The following PRKACA variants were observed in gnomAD, a reference collection of about 807,000 sequenced individuals.
PRKACA encodes protein kinase cAMP-activated catalytic subunit alpha, also known as cAMP-dependent protein kinase catalytic subunit alpha.
A neutral mutation model predicts 45.8 loss-of-function variants in PRKACA; 9 were observed. The observed-to-expected ratio is 0.20, with a 90% CI of 0.12 to 0.34. PRKACA has a LOEUF of 0.34. PRKACA is among the 10% of genes least tolerant of loss of function. The pLI, the probability that PRKACA is intolerant of heterozygous loss-of-function variation, is 1.00. For missense variants in PRKACA, 238 were observed against 458.6 expected, an observed-to-expected ratio of 0.52 and a Z score of 4.39; for synonymous variants, 160 against 178.6, an observed-to-expected ratio of 0.90 and a Z score of 0.83.
rs796458440 is a variant in PRKACA at position 14,092,437 on chromosome 19, C to T, written c.*675G>A. On this transcript the variant is annotated 3_prime_UTR_variant, in exon 10 of 10. Transcript: ENST00000308677. ...ATTAGCAGCGGGGAGGTTCAAACCCCAGCGCCTCCCTTTCCAAAGTCAGTC... is the reference window on the plus strand; with the variant it reads ...ATTAGCAGCGGGGAGGTTCAAACCCTAGCGCCTCCCTTTCCAAAGTCAGTC... The T allele has an allele frequency of 2.9e-4, 113 of 392,180 alleles. No homozygotes were observed. The highest frequency in any genetic ancestry group is 2.0e-3 in the African/African-American group (98 of 48,512). 24.3% of individuals were successfully genotyped at this position (392,180 alleles called of 1,614,324 possible). A position where few individuals can be genotyped will look rare whatever the true frequency, so the allele number is the denominator to read the frequency against.
intron 3 of PRKACA, among the ~76,000 whole-genome samples, chr19:14,105,526 A>G (rs1977577070): frequency 6.6e-6 from 1 of 151,510 alleles, no homozygotes; most frequent in Non-Finnish European, 1.5e-5. Context: ...AAAAAAAAAC[A>G]TAAAAAAAAG....
Position 14,102,840 on chromosome 19 carries a change from G to A in PRKACA, c.312C>T (p.Leu104=), listed in dbSNP as rs753127913. 1.5e-5 allele frequency: 24 copies of A among 1,614,026 alleles called. No homozygotes were observed. The Admixed American group carries it at 1.7e-4, about 11-fold the overall frequency. ...RILQAVNFPF[L]VKLEFSFKDN... The stretch of plus-strand genomic sequence containing the variant: ...CCTTGAAGGAGAACTCGAGTTTGAC[G>A]AGGAACGGAAAGTTGACAGCTTGCA... Residue 104 remains leucine (L), a synonymous_variant, in exon 4 of 10, where the codon CTC becomes CTT. Coordinates refer to ENST00000308677, the MANE Select transcript of PRKACA (RefSeq NM_002730.4).
Position 14,102,843 on chromosome 19 carries a change from G to A in PRKACA, c.309C>T (p.Phe103=), listed in dbSNP as rs1977485488. ...TGAAGGAGAACTCGAGTTTGACGAG[G>A]AACGGAAAGTTGACAGCTTGCAGGA... ...KRILQAVNFP[F]LVKLEFSFKD... The change falls in exon 4 of 10, where the codon TTC becomes TTT. Residue 103 remains phenylalanine (F), a synonymous_variant. Transcript: ENST00000308677. The A allele has an allele frequency of 3.7e-6, 6 of 1,614,192 alleles. No individual in the cohort carries two copies. The highest frequency in any genetic ancestry group is 5.1e-6 in the Non-Finnish European group (6 of 1,180,014).
chr19:14,109,997 T>TATACACACACACACACACAC (rs1966919555), intron 1 of PRKACA, among the ~76,000 whole-genome samples: 1 of 71,742 alleles, frequency 1.4e-5, no homozygotes, highest in African/African-American at 7.6e-5. Context: ...TATATATATA[T>TATACACACACACACACACAC]ATACACACAC....
chr19:14,109,999 TACAC>T (rs764855462), intron 1 of PRKACA, among the ~76,000 whole-genome samples: 4 of 55,476 alleles, frequency 7.2e-5, no homozygotes, highest in African/African-American at 3.1e-4. Flanking sequence ...TATATATATA[TACAC>T]ACACACACAC....
At chr19:14,101,268 A>G (rs1376501359) in intron 4 of PRKACA, 4 of 243,066 alleles carry the variant, frequency 1.6e-5, no homozygotes, top group Non-Finnish European at 2.5e-5. Flanking sequence ...GCCCCTGGTT[A>G]AAAAATTATT....
At position 14,101,467 on chromosome 19, in the gene PRKACA, G is replaced by A. The variant is rs577455747; in HGVS notation, c.337-559C>T. 5.9e-5 allele frequency among the ~76,000 whole-genome samples: 9 copies of A among 152,312 alleles called. No homozygotes were observed. In the South Asian group the frequency reaches 1.9e-3, roughly 32 times the overall value. On this transcript the variant is annotated intron_variant, in intron 4 of 9. Coordinates refer to ENST00000308677, the MANE Select transcript of PRKACA (RefSeq NM_002730.4). ...CCTGTAGTCTCATACTCAGGAGACTGAGGTGGGAGGATTGCTTGAGCCTGG... is the reference window on the plus strand; with the variant it reads ...CCTGTAGTCTCATACTCAGGAGACTAAGGTGGGAGGATTGCTTGAGCCTGG...
At chr19:14,103,048 G>T in intron 3 of PRKACA, 134 bp from the exon 4 acceptor site, 2 of 726,626 alleles carry the variant, frequency 2.8e-6, no homozygotes, top group East Asian at 5.2e-5. Context: ...CCTGTGGCCT[G>T]TCGGGCCCTT....
At chr19:14,108,211 T>C in intron 1 of PRKACA, 2 of 942,126 alleles carry the variant, frequency 2.1e-6, no homozygotes, top group Non-Finnish European at 2.5e-6. Flanking sequence ...CCCAGCCTGG[T>C]CTCTGATGAA....
intron 1 of PRKACA, among the ~76,000 whole-genome samples, chr19:14,109,399 G>C (rs1977704355): frequency 1.3e-5 from 2 of 152,048 alleles, no homozygotes; most frequent in African/African-American, 4.8e-5. Context: ...AGTGAGCTGA[G>C]ATCATGCCAT....
intron 1 of PRKACA, chr19:14,107,799 G>T: frequency 1.0e-6 from 1 of 1,003,490 alleles, no homozygotes; most frequent in Non-Finnish European, 1.2e-6. Context: ...TGGGGAGGCC[G>T]GGCCTGGGAT....
chr19:14,106,168 A>G (rs1454942358), intron 3 of PRKACA, among the ~76,000 whole-genome samples: 1 of 151,918 alleles, frequency 6.6e-6, no homozygotes, highest in Non-Finnish European at 1.5e-5. Flanking sequence ...TGGGCAACAC[A>G]GCAAGACCCC....
chr19:14,097,305 G>A lies in PRKACA; in HGVS notation c.765+56C>T, dbSNP rs1331155373. The A allele has an allele frequency of 2.5e-6, 4 of 1,611,350 alleles. No individual in the cohort carries two copies. In the African/African-American group the frequency reaches 5.3e-5, roughly 22 times the overall value. Reference sequence around the variant, plus strand: ...CAGGGCTCCCCAGGGAATAGGATGGGTGAGCAGGGAACGGTCTGTTTCTTC... The same window carrying A: ...CAGGGCTCCCCAGGGAATAGGATGGATGAGCAGGGAACGGTCTGTTTCTTC... On this transcript the variant is annotated intron_variant, in intron 8 of 9. Transcript: ENST00000308677. This position sits in a 1 kb window ranked among gnomAD's most constrained non-coding sequence, Gnocchi z 5.4.
At chr19:14,109,523 C>T (rs1977709520) in intron 1 of PRKACA, among the ~76,000 whole-genome samples, 1 of 151,574 alleles carries the variant, frequency 6.6e-6, no homozygotes, top group Admixed American at 6.6e-5. Flanking sequence ...GAGGCTGAGG[C>T]AGGAGAATTG....
In PRKACA at chr19:14,092,421, G is replaced by A. The variant is rs2145739396; in HGVS notation, c.*691C>T. 3 of 387,814 alleles carry A rather than the reference G, an allele frequency of 7.7e-6. No individual in the cohort carries two copies. In the East Asian group the frequency reaches 1.1e-4, roughly 14 times the overall value. 24.0% of individuals were successfully genotyped at this position (387,814 alleles called of 1,614,324 possible). A position where few individuals can be genotyped will look rare whatever the true frequency, so the allele number is the denominator to read the frequency against. ...GAGGGGCCCAGGGGAGATTAGCAGCGGGGAGGTTCAAACCCCAGCGCCTCC... is the reference window on the plus strand; with the variant it reads ...GAGGGGCCCAGGGGAGATTAGCAGCAGGGAGGTTCAAACCCCAGCGCCTCC... On this transcript the variant is annotated 3_prime_UTR_variant, in exon 10 of 10. Transcript: ENST00000308677.
At position 14,093,041 on chromosome 19, in the gene PRKACA, A is replaced by AGGGCGCC; in HGVS notation, c.*70_*71insGGCGCCC. The AGGGCGCC allele has an allele frequency of 4.0e-6, 2 of 500,030 alleles. No individual in the cohort carries two copies. The highest frequency in any genetic ancestry group is 7.2e-6 in the Non-Finnish European group (2 of 278,314). The allele number at this position is 500,030 out of a possible 1,614,324, so 31.0% of individuals were successfully genotyped here. Reference sequence around the variant, plus strand: ...CTGGGGCCCTCTGGCTGTTCAATCCAACCCTCCCACCCCCCCGACCAAAAA... The same window carrying AGGGCGCC: ...CTGGGGCCCTCTGGCTGTTCAATCCAGGGCGCCACCCTCCCACCCCCCCGACCAAAAA... On this transcript the variant is annotated 3_prime_UTR_variant, in exon 10 of 10. Coordinates refer to ENST00000308677, the MANE Select transcript of PRKACA (RefSeq NM_002730.4).
intron 1 of PRKACA, among the ~76,000 whole-genome samples, chr19:14,115,712 T>C (rs1266800203): frequency 1.3e-5 from 2 of 152,178 alleles, no homozygotes; most frequent in Non-Finnish European, 2.9e-5. Flanking sequence ...GGATCCTTTT[T>C]CTTGTGTGGC....
At chr19:14,109,999 T>TATATATATATATATAC (rs1555774928) in intron 1 of PRKACA, among the ~76,000 whole-genome samples, 1 of 55,474 alleles carries the variant, frequency 1.8e-5, no homozygotes, top group African/African-American at 1.0e-4. Flanking sequence ...TATATATATA[T>TATATATATATATATAC]ACACACACAC....
intron 4 of PRKACA, 146 bp downstream of exon 4, chr19:14,102,670 G>A (rs1415905918): frequency 4.2e-6 from 3 of 710,610 alleles, no homozygotes; most frequent in Non-Finnish European, 7.3e-6. Context: ...CCTGACTCCT[G>A]TCCCCTGATC....
Sources: gnomAD v4.1 joint callset for allele counts (sites outside exome capture counted in the v4.1 genomes callset) on GRCh38, gnomAD v4.1.1 for gene constraint, Gnocchi (gnomAD v3.1) non-coding constraint, MANE v1.5 for transcripts, NCBI Gene and HGNC (gene_info 2026-07-23, HGNC 2026-07-21) for gene names.